EDIL3: variants seen among roughly 807,000 people sequenced by gnomAD.
EDIL3 encodes EGF like and discoidin domains 3.
EDIL3 carries 37 observed loss-of-function variants against 67.4 expected under a neutral mutation model. The ratio of observed to expected loss-of-function variants is 0.55; its 90% CI spans 0.42 to 0.72. EDIL3 has a LOEUF of 0.72. EDIL3 is among the 30% of genes least tolerant of loss of function. The pLI is 0.00. For synonymous variants in EDIL3, 195 were observed against 196.3 expected (o/e 0.99, Z 0.05); for missense variants, 527 against 586.3 (o/e 0.90, Z 1.04).
intron 3 of EDIL3, among the ~76,000 whole-genome samples, chr5:84,209,232 G>A (rs1010315500): frequency 6.6e-6 from 1 of 151,538 alleles, no homozygotes; most frequent in African/African-American, 2.4e-5. Flanking sequence ...TTGTGGGGTG[G>A]GGGGAGAGGG....
chr5:84,175,329 CT>C (rs1448430616), intron 4 of EDIL3, among the ~76,000 whole-genome samples: 2 of 152,250 alleles, frequency 1.3e-5, no homozygotes, highest in Non-Finnish European at 2.9e-5. Context: ...TAGCCTCCCC[CT>C]GCCTTACTAC....
intron 3 of EDIL3, among the ~76,000 whole-genome samples, chr5:84,191,485 A>G (rs995088743): frequency 2.6e-5 from 4 of 152,034 alleles, no homozygotes; most frequent in African/African-American, 7.2e-5. Context: ...CAGGTCTCAC[A>G]TGTGGCTTCC....
At chr5:84,063,986 T>C (rs1746588740) in intron 8 of EDIL3, among the ~76,000 whole-genome samples, 1 of 152,154 alleles carries the variant, frequency 6.6e-6, no homozygotes, top group African/African-American at 2.4e-5. Context: ...TCTAGCTATA[T>C]TGAAATGGGG....
At chr5:83,970,297 C>A (rs1171121378) in intron 9 of EDIL3, among the ~76,000 whole-genome samples, 1 of 127,200 alleles carries the variant, frequency 7.9e-6, no homozygotes, top group Admixed American at 7.6e-5. Context: ...CTTTCATGTT[C>A]TTTGTCTATT....
At chr5:84,179,435 T>C (rs1272096087) in intron 4 of EDIL3, among the ~76,000 whole-genome samples, 1 of 152,172 alleles carries the variant, frequency 6.6e-6, no homozygotes, top group Non-Finnish European at 1.5e-5. Context: ...TCTACGGAAA[T>C]TCTACAAACT....
At chr5:84,384,234 G>T in intron 1 of EDIL3, 74 bp downstream of exon 1, 4 of 1,537,060 alleles carry the variant, frequency 2.6e-6, no homozygotes, top group South Asian at 1.2e-5. Flanking sequence ...GACCGCCTCC[G>T]GCCCCCTGCG....
intron 4 of EDIL3, among the ~76,000 whole-genome samples, chr5:84,138,510 G>T (rs1748132134): frequency 6.6e-6 from 1 of 152,144 alleles, no homozygotes; most frequent in Non-Finnish European, 1.5e-5. Flanking sequence ...TTCCAGATTT[G>T]TAATGTGCCT....
intron 1 of EDIL3, among the ~76,000 whole-genome samples, chr5:84,338,881 T>C (rs1433356662): frequency 6.6e-6 from 1 of 152,172 alleles, no homozygotes; most frequent in Non-Finnish European, 1.5e-5. Flanking sequence ...CTTGGTTTAA[T>C]GCTCTGCTGT....
At chr5:84,359,750 C>T (rs1315956888) in intron 1 of EDIL3, among the ~76,000 whole-genome samples, 1 of 152,158 alleles carries the variant, frequency 6.6e-6, no homozygotes, top group Non-Finnish European at 1.5e-5. Context: ...AGTAGAAAGA[C>T]TAACCATGGC....
intron 9 of EDIL3, among the ~76,000 whole-genome samples, chr5:83,969,054 G>C (rs1744745958): frequency 6.6e-6 from 1 of 151,394 alleles, no homozygotes; most frequent in African/African-American, 2.4e-5. Flanking sequence ...AATATTATTG[G>C]TTACCAGACG....
chr5:84,013,942 G>GT (rs1353487372), intron 9 of EDIL3, among the ~76,000 whole-genome samples: 2 of 152,032 alleles, frequency 1.3e-5, no homozygotes, highest in East Asian at 1.9e-4. Flanking sequence ...TTGAAAGCTA[G>GT]TTTTTTTGTT....
intron 9 of EDIL3, among the ~76,000 whole-genome samples, chr5:83,967,321 A>T (rs1240017721): frequency 6.6e-6 from 1 of 152,136 alleles, no homozygotes. Context: ...ACATCATCTC[A>T]AAATAAATAA....
At chr5:84,317,793 G>A (rs1000122193) in intron 1 of EDIL3, among the ~76,000 whole-genome samples, 3 of 152,132 alleles carry the variant, frequency 2.0e-5, no homozygotes, top group Non-Finnish European at 4.4e-5. Flanking sequence ...ATTCAACATA[G>A]TTTTGGAAGT....
At chr5:83,954,381 C>A (rs1001083066) in intron 10 of EDIL3, among the ~76,000 whole-genome samples, 1 of 151,682 alleles carries the variant, frequency 6.6e-6, no homozygotes, top group Non-Finnish European at 1.5e-5. Flanking sequence ...GTCATGGGGG[C>A]AGATCCCTCT....
intron 1 of EDIL3, among the ~76,000 whole-genome samples, chr5:84,277,073 T>C (rs1181830717): frequency 1.3e-5 from 2 of 152,294 alleles, no homozygotes; most frequent in Non-Finnish European, 2.9e-5. Flanking sequence ...ACTTATTACA[T>C]AAAGTAAACC....
chr5:83,995,051 T>C (rs773661661), intron 9 of EDIL3, among the ~76,000 whole-genome samples: 3 of 152,106 alleles, frequency 2.0e-5, no homozygotes, highest in Non-Finnish European at 4.4e-5. Flanking sequence ...ACTTATCTGT[T>C]TTTTGTAAAA....
intron 4 of EDIL3, among the ~76,000 whole-genome samples, chr5:84,151,297 C>T (rs911018959): frequency 6.9e-6 from 1 of 144,786 alleles, no homozygotes; most frequent in African/African-American, 2.7e-5. Context: ...ACACACACAC[C>T]CCGACACTCC....
intron 1 of EDIL3, among the ~76,000 whole-genome samples, chr5:84,288,136 G>A (rs917565327): frequency 6.6e-6 from 1 of 151,980 alleles, no homozygotes; most frequent in Admixed American, 6.6e-5. Flanking sequence ...CTCAGTTAAC[G>A]TCAACTTCAT....
chr5:83,958,753 A>T (rs532488004), intron 10 of EDIL3, among the ~76,000 whole-genome samples: 2 of 151,446 alleles, frequency 1.3e-5, no homozygotes, highest in African/African-American at 4.8e-5. Flanking sequence ...TTAAATACTG[A>T]AAGTGTTTGT....
Sources: gnomAD v4.1 joint callset for allele counts (sites outside exome capture counted in the v4.1 genomes callset) on GRCh38, gnomAD v4.1.1 for gene constraint, MANE v1.5 for transcripts, NCBI Gene and HGNC (gene_info 2026-07-23, HGNC 2026-07-21) for gene names.